The following SYNE1 variants were observed in gnomAD, a reference collection of about 807,000 sequenced individuals.
SYNE1 encodes nesprin-1.
In SYNE1, 616 loss-of-function variants were observed where a neutral mutation model predicts 1,111.0. The ratio of observed to expected loss-of-function variants is 0.55; its 90% CI spans 0.52 to 0.59. The LOEUF is 0.59. SYNE1 is among the 20% of genes least tolerant of loss of function. The pLI is 0.00. For missense variants in SYNE1, 10,006 were observed against 10,417.0 expected (o/e 0.96, Z 1.72); for synonymous variants, 3,855 against 3,825.8 (o/e 1.01, Z -0.28).
intron 66 of SYNE1, 39 bp from the exon 67 acceptor site, chr6:152,355,015 T>A (rs2096809784): frequency 1.9e-6 from 3 of 1,607,780 alleles, no homozygotes; most frequent in Admixed American, 3.3e-5. Context: ...CTCAATCATA[T>A]TTCACACTTG....
intron 3 of SYNE1, among the ~76,000 whole-genome samples, chr6:152,616,697 GCT>G (rs1342426391): frequency 2.0e-5 from 3 of 152,106 alleles, no homozygotes; most frequent in Non-Finnish European, 4.4e-5. Context: ...ACAGCTAATG[GCT>G]CTCTTTGATG....
At chr6:152,574,310 G>T (rs2068689208) in intron 3 of SYNE1, among the ~76,000 whole-genome samples, 1 of 151,116 alleles carries the variant, frequency 6.6e-6, no homozygotes, top group Admixed American at 6.6e-5. Flanking sequence ...TATATTTGTT[G>T]TTTTCGTAGA....
chr6:152,169,222 C>T (rs1452885855), intron 130 of SYNE1, among the ~76,000 whole-genome samples: 1 of 152,058 alleles, frequency 6.6e-6, no homozygotes, highest in Non-Finnish European at 1.5e-5. Flanking sequence ...TGGTTCTGGT[C>T]ATGTGAGTTG....
intron 74 of SYNE1, among the ~76,000 whole-genome samples, chr6:152,340,604 G>A (rs1053471146): frequency 1.3e-5 from 2 of 152,144 alleles, no homozygotes; most frequent in Non-Finnish European, 2.9e-5. Context: ...CCCCAGTTGT[G>A]AACCACTGCG....
intron 3 of SYNE1, among the ~76,000 whole-genome samples, chr6:152,547,141 T>C (rs1390441789): frequency 6.6e-6 from 1 of 152,124 alleles, no homozygotes; most frequent in Non-Finnish European, 1.5e-5. Flanking sequence ...AACACCCAAC[T>C]CACTCACAGA....
At chr6:152,459,831 G>A (rs541112318) in intron 21 of SYNE1, among the ~76,000 whole-genome samples, 97 of 152,302 alleles carry the variant, frequency 6.4e-4, no homozygotes, top group Non-Finnish European at 1.2e-3. Context: ...ATTCCAAAAA[G>A]TAATCCTTGA....
rs536996075 is a variant in SYNE1 at position 152,335,581 on chromosome 6, T to G, written c.12528+1260A>C. ...TTTTCTCTGTACTTGCAAACAGCAC[T>G]CCAGTAGACAATATATTATTATTGA... is the stretch of plus-strand genomic sequence containing the variant. On this transcript the variant is annotated intron_variant, in intron 76 of 145. Coordinates refer to ENST00000367255, the MANE Select transcript of SYNE1 (RefSeq NM_182961.4). 5.9e-5 allele frequency: 9 copies of G among 152,260 alleles called. No homozygotes were observed. In the East Asian group the frequency reaches 1.7e-3, roughly 29 times the overall value. 9.4% of individuals were successfully genotyped at this position (152,260 alleles called of 1,614,324 possible). A position where few individuals can be genotyped will look rare whatever the true frequency, so the allele number is the denominator to read the frequency against.
chr6:152,455,878 C>A lies in SYNE1; in HGVS notation c.2727+8G>T, dbSNP rs112473275. The A allele has an allele frequency of 3.7e-6, 6 of 1,613,992 alleles. No homozygotes were observed. The highest frequency in any genetic ancestry group is 3.3e-5 in the Admixed American group (2 of 60,000). The stretch of plus-strand genomic sequence containing the variant: ...GCTCACAGCTCTAAAGCAGGGAGAG[C>A]AAATTACCTGAAAAGCAACATGAAT... On this transcript the variant is annotated splice_region_variant and intron_variant, in intron 23 of 145. Transcript: ENST00000367255.
intron 4 of SYNE1, among the ~76,000 whole-genome samples, chr6:152,533,665 G>A (rs1291621247): frequency 6.6e-6 from 1 of 151,912 alleles, no homozygotes; most frequent in Non-Finnish European, 1.5e-5. Context: ...TTCTGCCCTT[G>A]CTTCTCTTCA....
At chr6:152,367,413 T>C in intron 61 of SYNE1, 31 bp from the exon 62 acceptor site, 1 of 1,611,660 alleles carries the variant, frequency 6.2e-7, no homozygotes, top group Non-Finnish European at 8.5e-7. Context: ...TTTCGAGCTG[T>C]CCATCCCACA....
chr6:152,177,696 A>G (rs1488803031), intron 129 of SYNE1, among the ~76,000 whole-genome samples: 3 of 152,230 alleles, frequency 2.0e-5, no homozygotes, highest in Non-Finnish European at 4.4e-5. Flanking sequence ...AAAGACCAAT[A>G]CGTTGAATGT....
At chr6:152,523,261 C>G (rs1349104672) in intron 5 of SYNE1, among the ~76,000 whole-genome samples, 1 of 151,908 alleles carries the variant, frequency 6.6e-6, no homozygotes, top group Non-Finnish European at 1.5e-5. Context: ...CAGTTTCATT[C>G]TTTTACATGT....
chr6:152,561,533 T>C (rs2099395273), intron 3 of SYNE1, among the ~76,000 whole-genome samples: 1 of 152,038 alleles, frequency 6.6e-6, no homozygotes, highest in African/African-American at 2.4e-5. Context: ...GTAACTCCTA[T>C]CAAAATTCCA....
In SYNE1 at chr6:152,376,444, G is replaced by A. The variant is rs199554198; in HGVS notation, c.9261C>T (p.Thr3087=). The A allele has an allele frequency of 9.9e-6, 16 of 1,614,172 alleles. No homozygotes were observed. In the East Asian group the frequency reaches 1.6e-4, roughly 16 times the overall value. The change falls in exon 58 of 146, where the codon ACC becomes ACT. Residue 3087 remains threonine (T), a synonymous_variant. Transcript: ENST00000367255. ...QQWLVNAKIT[T]AKCFDIPQNI... is the part of the protein sequence containing the mutation. ...TTTGAGGTATATCAAAACACTTGGCGGTAGTGATTTTTGCATTAACCAACC... is the reference window on the plus strand; with the variant it reads ...TTTGAGGTATATCAAAACACTTGGCAGTAGTGATTTTTGCATTAACCAACC...
At chr6:152,137,731 A>G (rs2057392967) in intron 140 of SYNE1, among the ~76,000 whole-genome samples, 1 of 152,280 alleles carries the variant, frequency 6.6e-6, no homozygotes, top group East Asian at 1.9e-4. Flanking sequence ...AATGTTCCCA[A>G]TCTGTCTTGA....
intron 38 of SYNE1, among the ~76,000 whole-genome samples, chr6:152,427,024 G>A (rs1274225302): frequency 6.6e-6 from 1 of 152,220 alleles, no homozygotes; most frequent in Non-Finnish European, 1.5e-5. Context: ...AATTTTGACT[G>A]TTGAATTTTC....
chr6:152,350,111 T>A lies in SYNE1; in HGVS notation c.11901+57A>T, dbSNP rs2096715684. The A allele has an allele frequency of 6.8e-6, 11 of 1,606,462 alleles. No individual in the cohort carries two copies. In the South Asian group the frequency reaches 1.2e-4, roughly 18 times the overall value. On this transcript the variant is annotated intron_variant, in intron 72 of 145. Transcript: ENST00000367255. ...ACATGCACACACATGCACAGACACA[T>A]GCGTACACACACTGGTGAAGCCATC...
At position 152,308,481 on chromosome 6, in the gene SYNE1, C is replaced by G. The variant is rs940060629; in HGVS notation, c.17346+8G>C. 3.1e-6 allele frequency: 5 copies of G among 1,613,954 alleles called. No individual in the cohort carries two copies. The highest frequency in any genetic ancestry group is 1.3e-5 in the African/African-American group (1 of 74,900). ...CTGCCCTCGGTATTTCGCCTACATT[C>G]CTCTCACCTCATGCCGAGAAATCTG... On this transcript the variant is annotated splice_region_variant and intron_variant, in intron 91 of 145. Transcript: ENST00000367255.
At position 152,278,294 on chromosome 6, in the gene SYNE1, A is replaced by T. The variant is rs996651672; in HGVS notation, c.18382-14T>A. On this transcript the variant is annotated splice_polypyrimidine_tract_variant and intron_variant, in intron 97 of 145. Coordinates refer to ENST00000367255, the MANE Select transcript of SYNE1 (RefSeq NM_182961.4). ...CACCAGCATATTCTGCAGCAACAGA[A>T]ATAAGAATGAAACTCACACATCTCC... 6 of 1,613,834 alleles carry T rather than the reference A, an allele frequency of 3.7e-6. No homozygotes were observed. In the South Asian group the frequency reaches 6.6e-5, roughly 18 times the overall value.
Sources: gnomAD v4.1 joint callset for allele counts (sites outside exome capture counted in the v4.1 genomes callset) on GRCh38, gnomAD v4.1.1 for gene constraint, MANE v1.5 for transcripts, NCBI Gene and HGNC (gene_info 2026-07-23, HGNC 2026-07-21) for gene names.